Variants in ZNF57 observed in about 807,000 individuals in gnomAD.
ZNF57 encodes the protein zinc finger protein 57.
In ZNF57, 11 loss-of-function variants were observed where a neutral mutation model predicts 13.4. The observed-to-expected ratio is 0.82, with a 90% confidence interval of 0.52 to 1.36. The LOEUF is 1.36. ZNF57 is among the 40% of genes most tolerant of loss of function. ZNF57 has a pLI of 0.00. For missense variants in ZNF57, 696 were observed against 667.5 expected (o/e 1.04, Z -0.47); for synonymous variants, 224 against 238.5 (o/e 0.94, Z 0.56).
intron 1 of ZNF57, among the ~76,000 whole-genome samples, chr19:2,908,500 G>A (rs531354679): frequency 2.4e-5 from 3 of 123,590 alleles, no homozygotes; most frequent in Admixed American, 1.0e-4. Context: ...TTGCTCTGTC[G>A]CCCAGGCTGG....
At position 2,916,940 on chromosome 19, in the gene ZNF57, A is replaced by C. The variant is rs1284405429; in HGVS notation, c.319A>C (p.Arg107=). Residue 107 remains arginine, a synonymous_variant, in exon 4 of 4, where the codon AGA becomes CGA. Transcript: ENST00000306908. ...TTTTAACAGAAATCATATGGTGGAC[A>C]GATTCTGTACACATAATGAAGGTAA... ...HKNLRNHMVD[R]FCTHNEGNQY... The C allele has an allele frequency of 1.1e-5, 18 of 1,582,500 alleles. No homozygotes were observed. Among genetic ancestry groups the C allele is most frequent in the Non-Finnish European group, 1.5e-5 (17 of 1,164,402 alleles).
At chr19:2,915,770 C>T (rs1436397835) in intron 2 of ZNF57, 122 bp downstream of exon 2, 9 of 1,438,166 alleles carry the variant, frequency 6.3e-6, no homozygotes, top group Non-Finnish European at 8.8e-6. Context: ...CCACCATGGA[C>T]CTAGAATCTA....
chr19:2,903,473 A>G (rs1166408028), intron 1 of ZNF57, among the ~76,000 whole-genome samples: 2 of 151,990 alleles, frequency 1.3e-5, no homozygotes, highest in African/African-American at 2.4e-5. Flanking sequence ...CCGCCTCCCA[A>G]AGTGCTGGGA....
In ZNF57 at chr19:2,917,708, C is replaced by T. The variant is rs376683335; in HGVS notation, c.1087C>T (p.Pro363Ser). ...GHLRTHTGEK[P>S]YECKQCGKAF... Reference sequence around the variant, plus strand: ...TTTGAGGACGCACACTGGAGAGAAACCTTATGAGTGTAAACAATGTGGGAA... The same window carrying T: ...TTTGAGGACGCACACTGGAGAGAAATCTTATGAGTGTAAACAATGTGGGAA... Residue 363 changes from proline (P) to serine (S), a missense_variant, in exon 4 of 4, where the codon CCT (proline) becomes TCT (serine). Coordinates refer to ENST00000306908, the MANE Select transcript of ZNF57 (RefSeq NM_173480.3). 35 of 1,613,846 alleles carry T rather than the reference C, an allele frequency of 2.2e-5. No individual in the cohort carries two copies. Among genetic ancestry groups the T allele is most frequent in the Admixed American group, 2.0e-4 (12 of 59,996 alleles).
rs1184179440 is a variant in ZNF57 at position 2,918,203 on chromosome 19, G to A, written c.1582G>A (p.Gly528Arg). Residue 528 changes from glycine to arginine, a missense_variant, in exon 4 of 4, where the codon GGA becomes AGA. Around this residue, in one of 3 missense-constraint regions of ZNF57, gnomAD observed 645 missense variants for 591.5 expected, o/e 1.09. Coordinates refer to ENST00000306908, the MANE Select transcript of ZNF57 (RefSeq NM_173480.3). ...SFRNHLRMHT[G>R]QKSHECQSYS... Reference sequence around the variant, plus strand: ...CCGGAACCATCTGAGGATGCACACAGGACAGAAATCCCACGAATGTCAGTC... The same window carrying A: ...CCGGAACCATCTGAGGATGCACACAAGACAGAAATCCCACGAATGTCAGTC... 6.2e-7 allele frequency: 1 copy of A among 1,614,214 alleles called. No individual in the cohort carries two copies. The highest frequency in any genetic ancestry group is 8.5e-7 in the Non-Finnish European group (1 of 1,180,026).
At position 2,901,016 on chromosome 19, in the gene ZNF57, C is replaced by T. The variant is rs1007609522; in HGVS notation, c.-30C>T. 2.6e-6 allele frequency: 4 copies of T among 1,556,760 alleles called. No individual in the cohort carries two copies. Among genetic ancestry groups the T allele is most frequent in the South Asian group, 2.4e-5 (2 of 84,594 alleles). On this transcript the variant is annotated 5_prime_UTR_variant, in exon 1 of 4. Coordinates refer to ENST00000306908, the MANE Select transcript of ZNF57 (RefSeq NM_173480.3). ...GCCGGCCGCGAGGCCACGGAGAGCTCGCCTTGGAGAGCCCAGGAGCAGGGG... is the reference window on the plus strand; with the variant it reads ...GCCGGCCGCGAGGCCACGGAGAGCTTGCCTTGGAGAGCCCAGGAGCAGGGG...
intron 1 of ZNF57, among the ~76,000 whole-genome samples, chr19:2,912,594 C>G (rs1568182066): frequency 6.6e-6 from 1 of 152,208 alleles, no homozygotes; most frequent in Non-Finnish European, 1.5e-5. Context: ...CATCAGTTCT[C>G]TGAAGGATGG....
At chr19:2,902,132 T>G in intron 1 of ZNF57, among the ~76,000 whole-genome samples, 1 of 117,388 alleles carries the variant, frequency 8.5e-6, no homozygotes, top group Non-Finnish European at 1.6e-5. Flanking sequence ...GGCTTGACCA[T>G]GGTGCGGCCA....
chr19:2,913,484 G>A (rs2053140050), intron 1 of ZNF57, among the ~76,000 whole-genome samples: 1 of 151,922 alleles, frequency 6.6e-6, no homozygotes, highest in Admixed American at 6.6e-5. Context: ...ATAAGTTTTG[G>A]TATATTATGT....
At chr19:2,907,407 T>A (rs1252361200) in intron 1 of ZNF57, among the ~76,000 whole-genome samples, 1 of 152,116 alleles carries the variant, frequency 6.6e-6, no homozygotes, top group Non-Finnish European at 1.5e-5. Flanking sequence ...AAGCGCAAAT[T>A]AAATCTCTAA....
chr19:2,908,468 T>TTTTC (rs1033596145), intron 1 of ZNF57, among the ~76,000 whole-genome samples: 3 of 147,774 alleles, frequency 2.0e-5, no homozygotes, highest in African/African-American at 7.5e-5. Flanking sequence ...TTGGTTTTTT[T>TTTTC]TTTTTTTTTT....
At chr19:2,912,811 CTTA>C (rs988768802) in intron 1 of ZNF57, among the ~76,000 whole-genome samples, 1 of 152,190 alleles carries the variant, frequency 6.6e-6, no homozygotes, top group Non-Finnish European at 1.5e-5. Flanking sequence ...CTTGCCAAAA[CTTA>C]TTTTCTTTTT....
chr19:2,918,099 A>G lies in ZNF57; in HGVS notation c.1478A>G (p.Asn493Ser), dbSNP rs1424415153. 1 of 1,614,024 alleles carries G rather than the reference A, an allele frequency of 6.2e-7. No homozygotes were observed. Among genetic ancestry groups the G allele is most frequent in the East Asian group, 2.2e-5 (1 of 44,868 alleles). Reference protein sequence around the residue: ...KTFTWSSTLHNHVRMHTGEKP... With the variant: ...KTFTWSSTLHSHVRMHTGEKP... ...TTCACTTGGTCCTCAACCTTACATA[A>G]TCATGTGAGGATGCACACTGGAGAG... The change falls in exon 4 of 4, where the codon AAT (asparagine) becomes AGT (serine). Residue 493 changes from asparagine (N) to serine (S), a missense_variant. Asn to Ser is a conservative substitution (Grantham distance 46, BLOSUM62 1). Coordinates refer to ENST00000306908, the MANE Select transcript of ZNF57 (RefSeq NM_173480.3).
chr19:2,901,391 G>A (rs1031492592), intron 1 of ZNF57, among the ~76,000 whole-genome samples: 7 of 152,102 alleles, frequency 4.6e-5, no homozygotes, highest in African/African-American at 1.7e-4. Context: ...GATGTTACGC[G>A]TGTCCGTATA....
chr19:2,907,484 T>C (rs1024587972), intron 1 of ZNF57, among the ~76,000 whole-genome samples: 1 of 152,126 alleles, frequency 6.6e-6, no homozygotes, highest in African/African-American at 2.4e-5. Flanking sequence ...TAGGAATTAT[T>C]TTTCCCCCAT....
chr19:2,913,684 GACTA>G (rs2088161367), intron 1 of ZNF57, among the ~76,000 whole-genome samples: 1 of 135,836 alleles, frequency 7.4e-6, no homozygotes, highest in Admixed American at 7.6e-5. Flanking sequence ...GGTGGGGGGA[GACTA>G]ACTCTCACTC....
At chr19:2,908,935 G>C (rs547517847) in intron 1 of ZNF57, among the ~76,000 whole-genome samples, 1 of 151,580 alleles carries the variant, frequency 6.6e-6, no homozygotes, top group South Asian at 2.1e-4. Context: ...TTGTTCTTTT[G>C]ACATTTCATA....
intron 1 of ZNF57, among the ~76,000 whole-genome samples, chr19:2,905,764 C>CAAAA (rs35657642): frequency 3.3e-5 from 4 of 120,662 alleles, no homozygotes; most frequent in Admixed American, 1.7e-4. Context: ...GACTCTGTCT[C>CAAAA]AAAAAAAAAA....
At chr19:2,911,869 C>G (rs537414131) in intron 1 of ZNF57, among the ~76,000 whole-genome samples, 2 of 152,286 alleles carry the variant, frequency 1.3e-5, no homozygotes, top group African/African-American at 4.8e-5. Flanking sequence ...ATGTTGTCTA[C>G]TTTTTCCATT....
Sources: gnomAD v4.1 joint callset for allele counts (sites outside exome capture counted in the v4.1 genomes callset) on GRCh38, gnomAD v4.1.1 for gene constraint, gnomAD v4.1.1 regional missense constraint, MANE v1.5 for transcripts, NCBI Gene and HGNC (gene_info 2026-07-23, HGNC 2026-07-21) for gene names.